The following IVD variants were observed in gnomAD, a reference collection of about 807,000 sequenced individuals.
The protein encoded by IVD is isovaleryl-CoA dehydrogenase.
Under a neutral mutation model 51.3 loss-of-function variants are expected in IVD, and 31 were observed. The ratio of observed to expected loss-of-function variants is 0.60; its 90% CI spans 0.45 to 0.81. The LOEUF is 0.81. Among genes scored for constraint, IVD ranks in the 40% least tolerant of loss-of-function variants. The probability of loss-of-function intolerance (pLI) is 0.00; values close to 1 mark genes in which losing one functional copy is unlikely to be tolerated. For missense variants in IVD, 475 were observed against 552.0 expected (o/e 0.86, Z 1.40); for synonymous variants, 205 against 219.4 (o/e 0.93, Z 0.58).
chr15:40,420,219 T>G lies in IVD; in HGVS notation c.*1956T>G, dbSNP rs1238648116. On this transcript the variant is annotated 3_prime_UTR_variant, in exon 12 of 12. Transcript: ENST00000487418. The stretch of plus-strand genomic sequence containing the variant: ...AGACTGGCTCCTCCTGTACAGCACC[T>G]CTGAGCCCTTGTGCACCGCCCTGCC... The G allele has an allele frequency of 1.0e-6, 1 of 986,478 alleles. No individual in the cohort carries two copies. The highest frequency in any genetic ancestry group is 1.2e-6 in the Non-Finnish European group (1 of 830,184). The allele number at this position is 986,478 out of a possible 1,614,324, so 61.1% of individuals were successfully genotyped here.
At position 40,418,353 on chromosome 15, in the gene IVD, G is replaced by T; in HGVS notation, c.*90G>T. On this transcript the variant is annotated 3_prime_UTR_variant, in exon 12 of 12. Transcript: ENST00000487418. Reference sequence around the variant, plus strand: ...GGCTTTCCCACCCTGCCCACAGCAGGCCCTCCTGCCCAGCTGCTCTTGTCA... The same window carrying T: ...GGCTTTCCCACCCTGCCCACAGCAGTCCCTCCTGCCCAGCTGCTCTTGTCA... 2.5e-6 allele frequency: 4 copies of T among 1,601,124 alleles called. No individual in the cohort carries two copies. The highest frequency in any genetic ancestry group is 3.4e-6 in the Non-Finnish European group (4 of 1,176,768).
Position 40,418,332 on chromosome 15 carries a change from T to C in IVD, c.*69T>C. 6.2e-7 allele frequency: 1 copy of C among 1,606,924 alleles called. No homozygotes were observed. ...CTTGGGAAGTAGAGATGTGGCGGCT[T>C]TCCCACCCTGCCCACAGCAGGCCCT... On this transcript the variant is annotated 3_prime_UTR_variant, in exon 12 of 12. Transcript: ENST00000487418.
chr15:40,412,379 C>T (rs946782889), intron 6 of IVD, among the ~76,000 whole-genome samples: 3 of 152,116 alleles, frequency 2.0e-5, no homozygotes, highest in Middle Eastern at 3.4e-3. Context: ...GTTTCATGAG[C>T]GAGTATTGTA....
downstream of IVD, among the ~76,000 whole-genome samples, chr15:40,428,687 A>T (rs773540741): frequency 3.1e-4 from 47 of 152,072 alleles, no homozygotes; most frequent in Non-Finnish European, 6.8e-4. Flanking sequence ...CACACCTCCA[A>T]GGGGGCTGCA....
intron 1 of IVD, 72 bp downstream of exon 1, chr15:40,406,043 T>G (rs902499849): frequency 1.3e-6 from 2 of 1,518,710 alleles, no homozygotes; most frequent in African/African-American, 2.8e-5. Flanking sequence ...CCTTCCTGCC[T>G]GGTCCCCATC....
At chr15:40,429,212 A>G (rs1266447197), downstream of IVD, among the ~76,000 whole-genome samples, 1 of 152,104 alleles carries the variant, frequency 6.6e-6, no homozygotes, top group Non-Finnish European at 1.5e-5. Flanking sequence ...ATGCTCTGGC[A>G]TGGCCAGCGT....
chr15:40,432,246 T>A (rs1279732329), intron 7 of IVD, among the ~76,000 whole-genome samples: 1 of 152,204 alleles, frequency 6.6e-6, no homozygotes, highest in Non-Finnish European at 1.5e-5. Flanking sequence ...GCCTGGCCTA[T>A]CATATCTAAG....
intron 7 of IVD, among the ~76,000 whole-genome samples, chr15:40,433,343 T>G (rs751278461): frequency 8.5e-5 from 13 of 152,190 alleles, no homozygotes; most frequent in Non-Finnish European, 5.9e-5. Context: ...AAGAAACGTA[T>G]GTTGAGTGCC....
At chr15:40,408,123 G>C in intron 3 of IVD, 133 bp downstream of exon 3, 1 of 799,660 alleles carries the variant, frequency 1.3e-6, no homozygotes, top group South Asian at 1.4e-5. Context: ...ACCTGTGAAA[G>C]CACCCATTGA....
At chr15:40,416,494 C>T in intron 11 of IVD, 132 bp downstream of exon 11, 2 of 791,834 alleles carry the variant, frequency 2.5e-6, no homozygotes, top group East Asian at 2.7e-5. Context: ...CCGAGGTAGG[C>T]AGATCACCTG....
chr15:40,407,787 C>T (rs1890616050), intron 2 of IVD, 62 bp downstream of exon 2: 21 of 1,470,996 alleles, frequency 1.4e-5, no homozygotes, highest in Non-Finnish European at 1.9e-5. Flanking sequence ...TGCACTGCTG[C>T]CTGGAAGAGC....
At position 40,418,835 on chromosome 15, in the gene IVD, A is replaced by G. The variant is rs1891997110; in HGVS notation, c.*572A>G. On this transcript the variant is annotated 3_prime_UTR_variant, in exon 12 of 12. Coordinates refer to ENST00000487418, the MANE Select transcript of IVD (RefSeq NM_002225.5). ...TCAGTCTCTTTTCTGGGGGAAAAAA[A>G]TAATAAACCTAGCCTAGCCAGGCGT... is the stretch of plus-strand genomic sequence containing the variant. 3.1e-6 allele frequency: 3 copies of G among 961,300 alleles called. No individual in the cohort carries two copies. Among genetic ancestry groups the G allele is most frequent in the African/African-American group, 3.5e-5 (2 of 57,914 alleles). The allele number at this position is 961,300 out of a possible 1,614,324, so 59.5% of individuals were successfully genotyped here.
At chr15:40,415,948 G>C (rs1001329748) in intron 9 of IVD, 130 bp from the exon 10 acceptor site, 5 of 810,000 alleles carry the variant, frequency 6.2e-6, no homozygotes, top group South Asian at 5.9e-5. Flanking sequence ...CCATCATCCT[G>C]AGTAAATCCC....
At chr15:40,418,062 G>A in intron 11 of IVD, 68 bp from the exon 12 acceptor site, 1 of 1,604,670 alleles carries the variant, frequency 6.2e-7, no homozygotes, top group Non-Finnish European at 8.5e-7. Context: ...CTATATACTT[G>A]GCATTCTGTT....
At chr15:40,424,830 A>G (rs958807535), downstream of IVD, among the ~76,000 whole-genome samples, 7 of 152,214 alleles carry the variant, frequency 4.6e-5, no homozygotes, top group African/African-American at 1.7e-4. Context: ...AACTCTCCCA[A>G]TAGCACCCGG....
chr15:40,427,332 T>C (rs1199144721), downstream of IVD, among the ~76,000 whole-genome samples: 1 of 152,252 alleles, frequency 6.6e-6, no homozygotes, highest in African/African-American at 2.4e-5. Flanking sequence ...TGCATACGTC[T>C]GCACACACTT....
intron 9 of IVD, among the ~76,000 whole-genome samples, chr15:40,415,848 C>A (rs191632500): frequency 7.9e-5 from 12 of 152,336 alleles, no homozygotes; most frequent in East Asian, 3.9e-4. Flanking sequence ...GGAGCCATGC[C>A]TTTCGGAGGC....
chr15:40,435,371 C>A (rs998278725), intron 8 of IVD: 89 of 1,014,006 alleles, frequency 8.8e-5, no homozygotes, highest in Non-Finnish European at 1.0e-4. Context: ...AGGCAGGAGC[C>A]GCTGGGGTTG....
intron 2 of IVD, 68 bp downstream of exon 2, chr15:40,407,793 A>G: frequency 1.4e-6 from 2 of 1,457,668 alleles, no homozygotes; most frequent in South Asian, 1.1e-5. Flanking sequence ...GCTGCCTGGA[A>G]GAGCTCACAC....
Sources: gnomAD v4.1 joint callset for allele counts (sites outside exome capture counted in the v4.1 genomes callset) on GRCh38, gnomAD v4.1.1 for gene constraint, MANE v1.5 for transcripts, NCBI Gene and HGNC (gene_info 2026-07-23, HGNC 2026-07-21) for gene names.